The following PRRC2B variants were observed in gnomAD, a reference collection of about 807,000 sequenced individuals.
PRRC2B encodes protein PRRC2B.
In PRRC2B, 68 loss-of-function variants were observed where a neutral mutation model predicts 242.3. The observed-to-expected ratio is 0.28, with a 90% confidence interval of 0.23 to 0.34. The LOEUF is 0.34. Ranked by LOEUF, PRRC2B falls within the 10% of genes least tolerant of loss-of-function variation. The probability of loss-of-function intolerance (pLI) is 1.00; values close to 1 mark genes in which losing one functional copy is unlikely to be tolerated. For synonymous variants in PRRC2B, 1,228 were observed against 1,173.6 expected, an observed-to-expected ratio of 1.05 and a Z score of -0.95; for missense variants, 2,835 against 2,954.8, an observed-to-expected ratio of 0.96 and a Z score of 0.94.
At chr9:131,456,906 T>C (rs1029695660) in intron 10 of PRRC2B, among the ~76,000 whole-genome samples, 11 of 152,248 alleles carry the variant, frequency 7.2e-5, no homozygotes, top group African/African-American at 2.7e-4. Context: ...GTATAATGCC[T>C]GTTTCCTTCA....
chr9:131,398,977 C>G (rs1564273308), intron 1 of PRRC2B, among the ~76,000 whole-genome samples: 1 of 149,930 alleles, frequency 6.7e-6, no homozygotes, highest in East Asian at 2.0e-4. Flanking sequence ...GACCCTGTCT[C>G]AAAAGAATAA....
chr9:131,428,264 G>A (rs980491432), intron 1 of PRRC2B, among the ~76,000 whole-genome samples: 13 of 150,446 alleles, frequency 8.6e-5, no homozygotes, highest in East Asian at 2.0e-4. Flanking sequence ...TCTGTTGCTC[G>A]GGCTGGAGTA....
chr9:131,455,708 G>C (rs1024638862), intron 10 of PRRC2B, among the ~76,000 whole-genome samples: 1 of 151,898 alleles, frequency 6.6e-6, no homozygotes, highest in African/African-American at 2.4e-5. Context: ...TGGAGATGGG[G>C]TTTGCCACGT....
At chr9:131,389,744 G>T (rs1446076806), upstream of PRRC2B, among the ~76,000 whole-genome samples, 1 of 149,726 alleles carries the variant, frequency 6.7e-6, no homozygotes, top group Non-Finnish European at 1.5e-5. Flanking sequence ...CAACCACCAT[G>T]GAGATTGAGT....
At chr9:131,429,286 T>C (rs145334575) in intron 1 of PRRC2B, among the ~76,000 whole-genome samples, 4 of 152,094 alleles carry the variant, frequency 2.6e-5, no homozygotes, top group African/African-American at 4.8e-5. Flanking sequence ...AGTGAGTGAG[T>C]GAGTGAGTGA....
chr9:131,397,608 T>C (rs1052026614), intron 1 of PRRC2B, among the ~76,000 whole-genome samples: 2 of 141,368 alleles, frequency 1.4e-5, no homozygotes, highest in Non-Finnish European at 3.0e-5. Flanking sequence ...TACTGACTCA[T>C]GTTGCTAATG....
chr9:131,382,175 C>T (rs1429620443), intron 1 of PRRC2B, among the ~76,000 whole-genome samples: 2 of 152,128 alleles, frequency 1.3e-5, no homozygotes, highest in Non-Finnish European at 2.9e-5. Flanking sequence ...CGCCACCACG[C>T]CCGGCTAAGT....
chr9:131,467,100 A>T (rs1441213717), intron 12 of PRRC2B, among the ~76,000 whole-genome samples: 1 of 146,282 alleles, frequency 6.8e-6, no homozygotes, highest in East Asian at 2.0e-4. Flanking sequence ...CGCGCCTGTC[A>T]TTTTTTGTAC....
intron 1 of PRRC2B, among the ~76,000 whole-genome samples, chr9:131,420,497 T>TTCGTTC (rs1837801461): frequency 6.1e-5 from 1 of 16,430 alleles, no homozygotes; most frequent in African/African-American, 1.4e-4. Context: ...TTCTTTCTTT[T>TTCGTTC]TTTTTTTTTT....
At chr9:131,456,215 T>C (rs76619453) in intron 10 of PRRC2B, among the ~76,000 whole-genome samples, 110,698 of 138,186 alleles carry the variant, frequency 0.8, 44,233 homozygotes, top group East Asian at 0.98. Context: ...TTGTCTCTTT[T>C]TTTTTTTTTT....
At chr9:131,428,110 C>T (rs1369062121) in intron 1 of PRRC2B, among the ~76,000 whole-genome samples, 6 of 151,516 alleles carry the variant, frequency 4.0e-5, no homozygotes, top group Non-Finnish European at 7.4e-5. Flanking sequence ...TTAGTAGAAA[C>T]GGGGTTTCAC....
At chr9:131,478,642 G>GGGGGGGGGGGGGGGCC in intron 18 of PRRC2B, 23 bp downstream of exon 18, 11 of 481,978 alleles carry the variant, frequency 2.3e-5, no homozygotes, top group East Asian at 5.2e-5. Flanking sequence ...GGGTGGGGGG[G>GGGGGGGGGGGGGGGCC]CATGGGGCTG....
At chr9:131,478,187 G>C (rs898684960) in intron 17 of PRRC2B, among the ~76,000 whole-genome samples, 10 of 151,400 alleles carry the variant, frequency 6.6e-5, no homozygotes, top group Non-Finnish European at 1.3e-4. Flanking sequence ...GCTTTAAAGA[G>C]AGGAAGCCTG....
rs574287239 is a variant in PRRC2B at position 131,447,747 on chromosome 9, G to T, written c.1063G>T (p.Ala355Ser). The T allele has an allele frequency of 6.2e-6, 10 of 1,613,742 alleles. No homozygotes were observed. Among genetic ancestry groups the T allele is most frequent in the Non-Finnish European group, 8.5e-6 (10 of 1,179,804 alleles). Residue 355 changes from alanine (A) to serine (S), a missense_variant, in exon 9 of 32, where the codon GCG (alanine) becomes TCG (serine). Ala to Ser is a moderately conservative substitution (Grantham distance 99). Transcript: ENST00000683519. ...GGCACCACGGCCCACCATTATCAAT[G>T]CGGAAAACCTGAAGGGCCTTGACGA... ...ERAPRPTIIN[A>S]ENLKGLDDLD... is the part of the protein sequence containing the mutation.
chr9:131,400,378 G>T (rs545491829), intron 1 of PRRC2B, among the ~76,000 whole-genome samples: 34 of 151,652 alleles, frequency 2.2e-4, no homozygotes, highest in African/African-American at 7.8e-4. Context: ...GAGTGCAGCC[G>T]TGCGATCTTG....
At position 131,498,112 on chromosome 9, in the gene PRRC2B, C is replaced by T. The variant is rs1437210752; in HGVS notation, c.*2238C>T. On this transcript the variant is annotated 3_prime_UTR_variant, in exon 32 of 32. Coordinates refer to ENST00000683519, the MANE Select transcript of PRRC2B (RefSeq NM_013318.4). ...TCAGGTGAACCTGGTATCAGACCCA[C>T]AGTACTTGCTGTTTGAGAAAAAATA... is the stretch of plus-strand genomic sequence containing the variant. The T allele has an allele frequency of 6.6e-6, 1 of 152,190 alleles. No homozygotes were observed. The highest frequency in any genetic ancestry group is 6.5e-5 in the Admixed American group (1 of 15,286). 9.4% of individuals were successfully genotyped at this position (152,190 alleles called of 1,614,324 possible). A position where few individuals can be genotyped will look rare whatever the true frequency, so the allele number is the denominator to read the frequency against.
At chr9:131,452,780 G>C (rs1466718066) in intron 9 of PRRC2B, among the ~76,000 whole-genome samples, 1 of 152,152 alleles carries the variant, frequency 6.6e-6, no homozygotes, top group Non-Finnish European at 1.5e-5. Flanking sequence ...TTGTCTTACA[G>C]CCAGAGAGCA....
intron 1 of PRRC2B, among the ~76,000 whole-genome samples, chr9:131,383,007 C>A (rs1356981095): frequency 6.6e-6 from 1 of 152,126 alleles, no homozygotes; most frequent in East Asian, 1.9e-4. Flanking sequence ...TAGTGGCTAC[C>A]AGACAGCGTG....
Position 131,476,188 on chromosome 9 carries a change from T to C in PRRC2B, c.4059T>C (p.Thr1353=). ...TGTGTTCTGGGGACAAGAGTGGCAC[T>C]GTGGGCCGCAGGTCCCCTGAGCTCT... The part of the protein sequence containing the change: ...PKLCSGDKSG[T]VGRRSPELSY... Residue 1353 remains threonine (T), a synonymous_variant, in exon 16 of 32, where the codon ACT becomes ACC. Transcript: ENST00000683519. 1 of 1,613,544 alleles carries C rather than the reference T, an allele frequency of 6.2e-7. No homozygotes were observed. Among genetic ancestry groups the C allele is most frequent in the South Asian group, 1.1e-5 (1 of 91,092 alleles).
Sources: gnomAD v4.1 joint callset for allele counts (sites outside exome capture counted in the v4.1 genomes callset) on GRCh38, gnomAD v4.1.1 for gene constraint, MANE v1.5 for transcripts, NCBI Gene and HGNC (gene_info 2026-07-23, HGNC 2026-07-21) for gene names.